EPC1: variants seen among roughly 807,000 people sequenced by gnomAD.
EPC1 encodes the protein enhancer of polycomb homolog 1.
Under a neutral mutation model 98.4 loss-of-function variants are expected in EPC1, and 12 were observed. The observed-to-expected ratio is 0.12, with a 90% CI of 0.08 to 0.20. The LOEUF (loss-of-function observed/expected upper bound fraction) is 0.20, where lower values mean the gene tolerates loss of function less well. Ranked by LOEUF, EPC1 falls within the 10% of genes least tolerant of loss-of-function variation. The pLI, the probability that EPC1 is intolerant of heterozygous loss-of-function variation, is 1.00. For missense variants in EPC1, 729 were observed against 990.5 expected, an observed-to-expected ratio of 0.74 and a Z score of 3.54; for synonymous variants, 357 against 363.9, an observed-to-expected ratio of 0.98 and a Z score of 0.21.
intron 8 of EPC1, 24 bp from the exon 9 acceptor site, chr10:32,286,866 T>C: frequency 6.2e-7 from 1 of 1,611,300 alleles, no homozygotes; most frequent in Non-Finnish European, 8.5e-7. Context: ...ATCCAAATTA[T>C]TTAATTTTGT....
intron 1 of EPC1, among the ~76,000 whole-genome samples, chr10:32,355,480 T>TG (rs1308629948): frequency 6.6e-6 from 1 of 152,194 alleles, no homozygotes; most frequent in East Asian, 1.9e-4. Flanking sequence ...GTTAAATTAC[T>TG]GTCAACCCAT....
chr10:32,346,560 G>A (rs913833305), intron 1 of EPC1: 2 of 579,490 alleles, frequency 3.5e-6, no homozygotes, highest in Non-Finnish European at 6.1e-6. Context: ...GGGTCAGCGG[G>A]TGGCCTTAGA....
In EPC1 at chr10:32,272,042, G is replaced by A. The variant is rs909662662; in HGVS notation, c.1989C>T (p.Gly663=). Residue 663 remains glycine, a synonymous_variant, in exon 12 of 14, where the codon GGC becomes GGT. Coordinates refer to ENST00000319778, the MANE Select transcript of EPC1 (RefSeq NM_001272004.3). ...DDVVLGIGVN[G]VLPASGVYKG... ...TATTCTTACCTGAGGCTGGAAGGAC[G>A]CCATTCACCCCGATTCCAAGCACCA... 10 of 1,612,520 alleles carry A rather than the reference G, an allele frequency of 6.2e-6. No individual in the cohort carries two copies. In the South Asian group the frequency reaches 7.7e-5, roughly 12 times the overall value.
chr10:32,351,332 T>G (rs933133221), upstream of EPC1, among the ~76,000 whole-genome samples: 1 of 152,186 alleles, frequency 6.6e-6, no homozygotes, highest in Admixed American at 6.5e-5. Flanking sequence ...AGCTTTTCAC[T>G]CTAGCTAGCA....
intron 9 of EPC1, 42 bp downstream of exon 9, chr10:32,286,652 T>C (rs747878486): frequency 1.9e-6 from 3 of 1,607,674 alleles, no homozygotes; most frequent in Non-Finnish European, 2.5e-6. Context: ...ATCACCCTAA[T>C]GCCTAAAATA....
At chr10:32,269,204 C>G in intron 13 of EPC1, 69 bp from the exon 14 acceptor site, 1 of 1,370,930 alleles carries the variant, frequency 7.3e-7, no homozygotes, top group South Asian at 1.2e-5. Context: ...CATTATCTTC[C>G]CAACAAAAAG....
intron 2 of EPC1, among the ~76,000 whole-genome samples, chr10:32,300,886 GC>G (rs1326493632): frequency 6.6e-6 from 1 of 151,950 alleles, no homozygotes; most frequent in Non-Finnish European, 1.5e-5. Context: ...ATGTTACAGG[GC>G]CATCTTGTAC....
At chr10:32,356,193 A>G (rs1357791689) in intron 1 of EPC1, among the ~76,000 whole-genome samples, 1 of 152,222 alleles carries the variant, frequency 6.6e-6, no homozygotes, top group African/African-American at 2.4e-5. Context: ...CTGTTTTCTT[A>G]CTGAAACTTG....
At chr10:32,326,529 A>G (rs1260763731) in intron 1 of EPC1, among the ~76,000 whole-genome samples, 1 of 152,168 alleles carries the variant, frequency 6.6e-6, no homozygotes, top group Non-Finnish European at 1.5e-5. Context: ...AGCATATCCT[A>G]GTCCATCCTA....
chr10:32,361,143 A>C (rs79706841), intron 1 of EPC1, among the ~76,000 whole-genome samples: 23,292 of 152,270 alleles, frequency 0.15, 2,189 homozygotes, highest in South Asian at 0.36. Flanking sequence ...AGCTTTAGGA[A>C]AACAAATTGC....
intron 1 of EPC1, among the ~76,000 whole-genome samples, chr10:32,343,699 G>GC (rs990917776): frequency 3.2e-4 from 48 of 150,952 alleles, no homozygotes; most frequent in Middle Eastern, 6.8e-3. Context: ...TATTTTGGGG[G>GC]GGGGGTGTAA....
chr10:32,366,943 CACTCTTA>C, intron 1 of EPC1, among the ~76,000 whole-genome samples: 1 of 152,232 alleles, frequency 6.6e-6, no homozygotes, highest in South Asian at 2.1e-4. Context: ...TCCAGTTTTC[CACTCTTA>C]ACATCACTAA....
At chr10:32,304,611 T>C (rs1051672962) in intron 2 of EPC1, among the ~76,000 whole-genome samples, 3 of 152,118 alleles carry the variant, frequency 2.0e-5, no homozygotes, top group African/African-American at 7.2e-5. Context: ...AAAATTTAGA[T>C]GGTCCCCTAG....
At chr10:32,270,015 G>T (rs565363980) in intron 13 of EPC1, among the ~76,000 whole-genome samples, 17 of 152,248 alleles carry the variant, frequency 1.1e-4, no homozygotes, top group Middle Eastern at 3.4e-3. Context: ...ACAAAAACCA[G>T]TTTACTTGTT....
At chr10:32,355,625 T>C (rs1169108613) in intron 1 of EPC1, among the ~76,000 whole-genome samples, 1 of 105,318 alleles carries the variant, frequency 9.5e-6, no homozygotes, top group East Asian at 2.4e-4. Flanking sequence ...TTTTTTTTTT[T>C]TTTTTTTTTT....
chr10:32,310,719 C>CA (rs1836161040), intron 1 of EPC1, among the ~76,000 whole-genome samples: 1 of 151,934 alleles, frequency 6.6e-6, no homozygotes, highest in South Asian at 2.1e-4. Context: ...ATTAAAAATA[C>CA]AAAAATTAGC....
upstream of EPC1, chr10:32,347,266 G>A: frequency 6.5e-6 from 7 of 1,084,792 alleles, no homozygotes; most frequent in Non-Finnish European, 8.0e-6. Context: ...GGCACGAAGC[G>A]CGCGTCCCGC....
chr10:32,357,793 G>T (rs1285838392), intron 1 of EPC1, among the ~76,000 whole-genome samples: 4 of 151,306 alleles, frequency 2.6e-5, no homozygotes, highest in Admixed American at 6.6e-5. Flanking sequence ...CTTTTCATTG[G>T]CTGGTTTTAC....
At chr10:32,358,429 C>T (rs1455340375) in intron 1 of EPC1, among the ~76,000 whole-genome samples, 1 of 151,908 alleles carries the variant, frequency 6.6e-6, no homozygotes, top group East Asian at 1.9e-4. Flanking sequence ...GGATCACTTG[C>T]ACCCAGGAGT....
Sources: gnomAD v4.1 joint callset for allele counts (sites outside exome capture counted in the v4.1 genomes callset) on GRCh38, gnomAD v4.1.1 for gene constraint, MANE v1.5 for transcripts, NCBI Gene and HGNC (gene_info 2026-07-23, HGNC 2026-07-21) for gene names.